The following ST3GAL4 variants were observed in gnomAD, a reference collection of about 807,000 sequenced individuals.
ST3GAL4 encodes CMP-N-acetylneuraminate-beta-galactosamide-alpha-2,3-sialyltransferase 4.
ST3GAL4 carries 24 observed loss-of-function variants against 42.6 expected under a neutral mutation model. That is an observed-to-expected ratio of 0.56 (90% CI 0.41 to 0.79). ST3GAL4 has a LOEUF of 0.79. Ranked by LOEUF, ST3GAL4 falls within the 30% of genes least tolerant of loss-of-function variation. The pLI is 0.00. For missense variants in ST3GAL4, 311 were observed against 430.8 expected (o/e 0.72, Z 2.46); for synonymous variants, 135 against 163.2 (o/e 0.83, Z 1.32).
chr11:126,370,649 T>C (rs1591426954), intron 1 of ST3GAL4, among the ~76,000 whole-genome samples: 1 of 152,144 alleles, frequency 6.6e-6, no homozygotes, highest in African/African-American at 2.4e-5. Context: ...ATTTAGCTTC[T>C]GAATTTATAT....
chr11:126,414,028 A>G lies in ST3GAL4; in HGVS notation c.983A>G (p.Lys328Arg), dbSNP rs1954639867. 1 of 1,614,264 alleles carries G rather than the reference A, an allele frequency of 6.2e-7. No homozygotes were observed. The highest frequency in any genetic ancestry group is 8.5e-7 in the Non-Finnish European group (1 of 1,180,036). Reference protein sequence around the residue: ...IKRMLEMGAIKNLTSF With the variant: ...IKRMLEMGAIRNLTSF The stretch of plus-strand genomic sequence containing the variant: ...CGGATGCTGGAGATGGGAGCTATCA[A>G]GAACCTCACGTCCTTCTGACCTGGG... Residue 328 changes from lysine to arginine, a missense_variant, in exon 11 of 11, where the codon AAG becomes AGG. Transcript: ENST00000444328.
At chr11:126,375,038 A>AG (rs1952781514) in intron 1 of ST3GAL4, 1 of 152,144 alleles carries the variant, frequency 6.6e-6, no homozygotes, top group African/African-American at 2.4e-5. Flanking sequence ...AATGTGTGGA[A>AG]GCAGGTACAG....
In ST3GAL4 at chr11:126,406,275, G is replaced by T; in HGVS notation, c.16+104G>T. The T allele has an allele frequency of 1.3e-6, 2 of 1,547,280 alleles. No individual in the cohort carries two copies. Among genetic ancestry groups the T allele is most frequent in the Non-Finnish European group, 8.7e-7 (1 of 1,145,660 alleles). On this transcript the variant is annotated intron_variant, in intron 2 of 10. Coordinates refer to ENST00000444328, the MANE Select transcript of ST3GAL4 (RefSeq NM_001254757.2). This position sits in a 1 kb window ranked among gnomAD's most constrained non-coding sequence, Gnocchi z 5.4. ...GGGGCTGTGGAGGGACAGACAGGGAGCCAGGGGCCCTTCTCTTCATCTTGA... is the reference window on the plus strand; with the variant it reads ...GGGGCTGTGGAGGGACAGACAGGGATCCAGGGGCCCTTCTCTTCATCTTGA...
At chr11:126,367,496 G>T (rs559317780) in intron 1 of ST3GAL4, among the ~76,000 whole-genome samples, 1 of 152,284 alleles carries the variant, frequency 6.6e-6, no homozygotes, top group Non-Finnish European at 1.5e-5. Flanking sequence ...GCTGCCTTGT[G>T]CCTGGGAAGG....
In ST3GAL4 at chr11:126,396,873, G is replaced by A. The variant is rs535469064; in HGVS notation, c.-60-9223G>A. Among the ~76,000 whole-genome samples the A allele has an allele frequency of 1.3e-4, 20 of 152,088 alleles. No homozygotes were observed. Among genetic ancestry groups the A allele is most frequent in the Non-Finnish European group, 2.5e-4 (17 of 68,014 alleles). On this transcript the variant is annotated intron_variant, in intron 1 of 10. Transcript: ENST00000444328. This position sits in a 1 kb window ranked among gnomAD's most constrained non-coding sequence, Gnocchi z 5.8. ...ATTATCGTGTTGAACTCACAGGGTC[G>A]AGATCATATTTAACACTTTCACAGC...
At position 126,406,242 on chromosome 11, in the gene ST3GAL4, G is replaced by A. The variant is rs1171823369; in HGVS notation, c.16+71G>A. On this transcript the variant is annotated intron_variant, in intron 2 of 10. Coordinates refer to ENST00000444328, the MANE Select transcript of ST3GAL4 (RefSeq NM_001254757.2). This position sits in a 1 kb window ranked among gnomAD's most constrained non-coding sequence, Gnocchi z 5.4. ...GAAGCCGTCTTCAGCAGGATCCTGG[G>A]ACCTCTGGGGGCTGTGGAGGGACAG... is the stretch of plus-strand genomic sequence containing the variant. The A allele has an allele frequency of 9.7e-6, 15 of 1,550,676 alleles. No homozygotes were observed. Among genetic ancestry groups the A allele is most frequent in the African/African-American group, 1.4e-5 (1 of 73,028 alleles).
Position 126,398,873 on chromosome 11 carries a change from C to T in ST3GAL4, c.-60-7223C>T, listed in dbSNP as rs1953886733. ...AGCCATGGCTGGGGAGGCAGAGGAG[C>T]ACTGTGCCCAAATGTGGGAGCAGAG... On this transcript the variant is annotated intron_variant, in intron 1 of 10. Transcript: ENST00000444328. This position sits in a 1 kb window ranked among gnomAD's most constrained non-coding sequence, Gnocchi z 4.7. Among the ~76,000 whole-genome samples the T allele has an allele frequency of 6.6e-6, 1 of 152,142 alleles. No individual in the cohort carries two copies. The highest frequency in any genetic ancestry group is 2.4e-5 in the African/African-American group (1 of 41,432).
chr11:126,374,901 T>C (rs1385464050), intron 1 of ST3GAL4: 6 of 151,998 alleles, frequency 3.9e-5, no homozygotes, highest in Non-Finnish European at 8.8e-5. Context: ...CTGGCAGTTG[T>C]ATTAATGACG....
chr11:126,369,592 A>C (rs1952564794), intron 1 of ST3GAL4, among the ~76,000 whole-genome samples: 1 of 152,210 alleles, frequency 6.6e-6, no homozygotes. Flanking sequence ...GGAAAACCTG[A>C]GACCCGGAAA....
In ST3GAL4 at chr11:126,378,453, A is replaced by G. The variant is rs1952895900; in HGVS notation, c.-61+22611A>G. ...GAGACGGAGTCTTGCTGTGTCACTCAGGCTGGAGTCAGTGGTGCAATCTTG... is the reference window on the plus strand; with the variant it reads ...GAGACGGAGTCTTGCTGTGTCACTCGGGCTGGAGTCAGTGGTGCAATCTTG... On this transcript the variant is annotated intron_variant, in intron 1 of 10. Transcript: ENST00000444328. The surrounding 1 kb of genome is among the most constrained non-coding windows in gnomAD (Gnocchi z 5.3). 6.6e-6 allele frequency among the ~76,000 whole-genome samples: 1 copy of G among 152,174 alleles called. No individual in the cohort carries two copies. Among genetic ancestry groups the G allele is most frequent in the Admixed American group, 6.5e-5 (1 of 15,274 alleles).
At position 126,383,701 on chromosome 11, in the gene ST3GAL4, G is replaced by A. The variant is rs927049803; in HGVS notation, c.-60-22395G>A. 2.0e-5 allele frequency among the ~76,000 whole-genome samples: 3 copies of A among 152,128 alleles called. No homozygotes were observed. The highest frequency in any genetic ancestry group is 2.1e-4 in the South Asian group (1 of 4,820). On this transcript the variant is annotated intron_variant, in intron 1 of 10. Transcript: ENST00000444328. The surrounding 1 kb of genome is among the most constrained non-coding windows in gnomAD (Gnocchi z 4.5). ...AGGGCCGGTGTGAGCTGCAGGGACC[G>A]GAGAGCTGCTGGAAGGGGCTGTCTA... is the stretch of plus-strand genomic sequence containing the variant.
rs998789545 is a variant in ST3GAL4 at position 126,396,100 on chromosome 11, T to C, written c.-60-9996T>C. On this transcript the variant is annotated intron_variant, in intron 1 of 10. Transcript: ENST00000444328. The surrounding 1 kb of genome is among the most constrained non-coding windows in gnomAD (Gnocchi z 5.8). ...GTTGATCGGGTGGATTCTAACCCTG[T>C]GGGAGAACTCCCCAGCCCGTAGCCT... 1.3e-5 allele frequency among the ~76,000 whole-genome samples: 2 copies of C among 151,922 alleles called. No homozygotes were observed. The highest frequency in any genetic ancestry group is 2.9e-5 in the Non-Finnish European group (2 of 68,002).
At chr11:126,403,764 A>C (rs1203403182) in intron 1 of ST3GAL4, among the ~76,000 whole-genome samples, 4 of 152,150 alleles carry the variant, frequency 2.6e-5, no homozygotes, top group African/African-American at 9.7e-5. Context: ...GGTTCGGAGC[A>C]CTGCAACTCA....
chr11:126,395,233 G>C (rs1345548272), intron 1 of ST3GAL4, among the ~76,000 whole-genome samples: 1 of 152,174 alleles, frequency 6.6e-6, no homozygotes, highest in South Asian at 2.1e-4. Context: ...TGTATTGAGA[G>C]CCTGCTGGGT....
At chr11:126,395,967 C>G (rs1953735346) in intron 1 of ST3GAL4, among the ~76,000 whole-genome samples, 1 of 151,080 alleles carries the variant, frequency 6.6e-6, no homozygotes, top group Non-Finnish European at 1.5e-5. Flanking sequence ...GACCCGGGCT[C>G]TCCCCGTGAG....
At position 126,406,769 on chromosome 11, in the gene ST3GAL4, G is replaced by A. The variant is rs909924691; in HGVS notation, c.102-174G>A. The A allele has an allele frequency of 4.3e-6, 4 of 921,210 alleles. No individual in the cohort carries two copies. The African/African-American group carries it at 6.6e-5, about 15-fold the overall frequency. 57.1% of individuals were successfully genotyped at this position (921,210 alleles called of 1,614,324 possible). A position where few individuals can be genotyped will look rare whatever the true frequency, so the allele number is the denominator to read the frequency against. ...ACTGGGCCCTCACCCAGGGAGTGCA[G>A]GGGCAGGAAGACCTGGATCCTCAAG... On this transcript the variant is annotated intron_variant, in intron 3 of 10. Coordinates refer to ENST00000444328, the MANE Select transcript of ST3GAL4 (RefSeq NM_001254757.2). The surrounding 1 kb of genome is among the most constrained non-coding windows in gnomAD (Gnocchi z 5.4).
intron 1 of ST3GAL4, among the ~76,000 whole-genome samples, chr11:126,375,701 A>G (rs1224053590): frequency 2.0e-5 from 3 of 152,144 alleles, no homozygotes; most frequent in African/African-American, 7.2e-5. Flanking sequence ...ATGTCTGGAA[A>G]CATTCTGTCA....
At position 126,376,197 on chromosome 11, in the gene ST3GAL4, CT is replaced by C; in HGVS notation, c.-61+20357del. 6.6e-6 allele frequency among the ~76,000 whole-genome samples: 1 copy of C among 152,206 alleles called. No homozygotes were observed. Among genetic ancestry groups the C allele is most frequent in the South Asian group, 2.1e-4 (1 of 4,824 alleles). On this transcript the variant is annotated intron_variant, in intron 1 of 10. Transcript: ENST00000444328. This position sits in a 1 kb window ranked among gnomAD's most constrained non-coding sequence, Gnocchi z 5.1. The stretch of plus-strand genomic sequence containing the variant: ...CGATTGGCTTTTGGTATTAAAATGT[CT>C]TCAGTTTCAGAGGTCCCAGGATAGT...
chr11:126,370,211 G>A (rs987623505), intron 1 of ST3GAL4, among the ~76,000 whole-genome samples: 2 of 152,200 alleles, frequency 1.3e-5, no homozygotes, highest in Non-Finnish European at 2.9e-5. Context: ...ATTGTGAAAT[G>A]TCTTCCCAGA....
Sources: allele counts gnomAD v4.1 joint callset (sites outside exome capture counted in the v4.1 genomes callset), GRCh38; gene constraint gnomAD v4.1.1; non-coding constraint Gnocchi (gnomAD v3.1); transcripts MANE v1.5; gene names NCBI Gene and HGNC (gene_info 2026-07-23, HGNC 2026-07-21).